KCND2: variants seen among roughly 807,000 people sequenced by gnomAD.
KCND2 encodes the protein A-type voltage-gated potassium channel KCND2.
A neutral mutation model predicts 54.4 loss-of-function variants in KCND2; 16 were observed. The observed-to-expected ratio is 0.29, with a 90% confidence interval of 0.20 to 0.45. KCND2 has a LOEUF of 0.45. Among genes scored for constraint, KCND2 ranks in the 20% least tolerant of loss-of-function variants. The pLI is 1.00. For missense variants in KCND2, 486 were observed against 824.2 expected, an observed-to-expected ratio of 0.59 and a Z score of 5.02; for synonymous variants, 317 against 310.7, an observed-to-expected ratio of 1.02 and a Z score of -0.21.
chr7:120,535,453 T>C (rs1396444833), intron 1 of KCND2, among the ~76,000 whole-genome samples: 2 of 152,128 alleles, frequency 1.3e-5, no homozygotes, highest in Non-Finnish European at 2.9e-5. Flanking sequence ...CTCTTGGAAA[T>C]TTTGGTTTGG....
chr7:120,491,013 G>A (rs903644149), intron 1 of KCND2, among the ~76,000 whole-genome samples: 14 of 152,094 alleles, frequency 9.2e-5, no homozygotes, highest in Admixed American at 2.6e-4. Context: ...TCCAGTGACT[G>A]AAGAACTACT....
chr7:120,548,525 C>A (rs1031936818), intron 1 of KCND2, among the ~76,000 whole-genome samples: 2 of 152,122 alleles, frequency 1.3e-5, no homozygotes, highest in African/African-American at 4.8e-5. Context: ...AACCTGGAAT[C>A]CCCAAAGGGA....
chr7:120,343,234 G>A (rs954357825), intron 1 of KCND2, among the ~76,000 whole-genome samples: 1 of 152,144 alleles, frequency 6.6e-6, no homozygotes, highest in African/African-American at 2.4e-5. Flanking sequence ...ATATGGGCCA[G>A]TGTGTGCCAA....
At position 120,451,105 on chromosome 7, in the gene KCND2, T is replaced by A. The variant is rs560139442; in HGVS notation, c.1115+175358T>A. ...TACCCTCTTACCCACAGTGGTCCAT[T>A]TGGTATTTGAAGTAGGATCCCTGGA... On this transcript the variant is annotated intron_variant, in intron 1 of 5. Transcript: ENST00000331113. Among the ~76,000 whole-genome samples the A allele has an allele frequency of 3.9e-5, 6 of 152,288 alleles. No homozygotes were observed. In the East Asian group the frequency reaches 9.7e-4, roughly 25 times the overall value.
At chr7:120,451,820 TC>T (rs1802114553) in intron 1 of KCND2, among the ~76,000 whole-genome samples, 1 of 152,196 alleles carries the variant, frequency 6.6e-6, no homozygotes, top group Non-Finnish European at 1.5e-5. Context: ...TGTGCTATGC[TC>T]CAGTGTCACT....
At chr7:120,404,069 A>G (rs1801312407) in intron 1 of KCND2, among the ~76,000 whole-genome samples, 2 of 152,156 alleles carry the variant, frequency 1.3e-5, no homozygotes, top group Non-Finnish European at 1.5e-5. Context: ...GTTTATTAAG[A>G]CAAAAAAACT....
chr7:120,683,621 T>G (rs1792166531), intron 1 of KCND2, among the ~76,000 whole-genome samples: 1 of 152,176 alleles, frequency 6.6e-6, no homozygotes, highest in African/African-American at 2.4e-5. Context: ...CTAAACATGA[T>G]TATGACATTC....
chr7:120,574,751 C>T (rs925405303), intron 1 of KCND2, among the ~76,000 whole-genome samples: 4 of 151,840 alleles, frequency 2.6e-5, no homozygotes, highest in Admixed American at 6.6e-5. Flanking sequence ...GGTTTTTTTT[C>T]TCTCTCTCTG....
intron 1 of KCND2, among the ~76,000 whole-genome samples, chr7:120,312,888 T>C (rs143734213): frequency 2.6e-5 from 4 of 152,146 alleles, no homozygotes; most frequent in African/African-American, 9.7e-5. Context: ...GGAAAACTTG[T>C]GACTTTTTTT....
chr7:120,740,893 A>T, intron 2 of KCND2: 1 of 449,258 alleles, frequency 2.2e-6, no homozygotes, highest in Non-Finnish European at 4.4e-6. Flanking sequence ...ATAAATTCAC[A>T]GTTGTTTTTG....
intron 1 of KCND2, among the ~76,000 whole-genome samples, chr7:120,571,807 C>T (rs1792369724): frequency 6.6e-6 from 1 of 152,154 alleles, no homozygotes. Context: ...TCCTCAAAGT[C>T]AGATATTTGT....
intron 1 of KCND2, among the ~76,000 whole-genome samples, chr7:120,335,775 G>A (rs969526846): frequency 3.3e-5 from 5 of 152,074 alleles, no homozygotes; most frequent in Admixed American, 6.6e-5. Context: ...GTGAGCCACC[G>A]CGCCCGGCTG....
intron 1 of KCND2, among the ~76,000 whole-genome samples, chr7:120,450,622 C>T (rs1368082387): frequency 6.6e-6 from 1 of 152,154 alleles, no homozygotes; most frequent in Non-Finnish European, 1.5e-5. Flanking sequence ...TCAGCTGCAG[C>T]ATGCATTCTA....
chr7:120,395,320 T>C (rs1488294123), intron 1 of KCND2, among the ~76,000 whole-genome samples: 1 of 152,090 alleles, frequency 6.6e-6, no homozygotes, highest in Non-Finnish European at 1.5e-5. Flanking sequence ...AAATAAATGT[T>C]AGCTAGATTG....
chr7:120,503,127 T>A (rs528796431), intron 1 of KCND2, among the ~76,000 whole-genome samples: 64 of 152,156 alleles, frequency 4.2e-4, no homozygotes, highest in Non-Finnish European at 7.2e-4. Context: ...CTACTGAACT[T>A]CAGCCTTTTA....
chr7:120,561,242 G>A (rs569844257), intron 1 of KCND2, among the ~76,000 whole-genome samples: 1 of 152,102 alleles, frequency 6.6e-6, no homozygotes, highest in Non-Finnish European at 1.5e-5. Context: ...GTAAAAGATG[G>A]TATGTTCTTG....
At chr7:120,705,773 T>C (rs1792459678) in intron 1 of KCND2, among the ~76,000 whole-genome samples, 1 of 152,146 alleles carries the variant, frequency 6.6e-6, no homozygotes, top group African/African-American at 2.4e-5. Context: ...ATTTCATGAA[T>C]CTCAAGACTG....
intron 1 of KCND2, among the ~76,000 whole-genome samples, chr7:120,365,800 A>C (rs1228294774): frequency 6.6e-6 from 1 of 152,124 alleles, no homozygotes; most frequent in Non-Finnish European, 1.5e-5. Context: ...AGCTCTATGG[A>C]TAGTGTTAAT....
At chr7:120,439,985 C>T (rs1801925330) in intron 1 of KCND2, among the ~76,000 whole-genome samples, 1 of 151,940 alleles carries the variant, frequency 6.6e-6, no homozygotes, top group Non-Finnish European at 1.5e-5. Context: ...AGAAATTATA[C>T]TGATTTCATT....
Sources: allele counts gnomAD v4.1 joint callset (sites outside exome capture counted in the v4.1 genomes callset), GRCh38; gene constraint gnomAD v4.1.1; transcripts MANE v1.5; gene names NCBI Gene and HGNC (gene_info 2026-07-23, HGNC 2026-07-21).